The following NAALADL2 variants were observed in gnomAD, a reference collection of about 807,000 sequenced individuals.
NAALADL2 encodes N-acetylated alpha-linked acidic dipeptidase like 2.
NAALADL2 carries 76 observed loss-of-function variants against 87.2 expected under a neutral mutation model. The ratio of observed to expected loss-of-function variants is 0.87; its 90% CI spans 0.72 to 1.05. The LOEUF (loss-of-function observed/expected upper bound fraction) is 1.05. NAALADL2 is among the 50% of genes least tolerant of loss of function. NAALADL2 has a pLI of 0.00. For synonymous variants in NAALADL2, 354 were observed against 331.0 expected (o/e 1.07, Z -0.75); for missense variants, 1,089 against 945.8 (o/e 1.15, Z -1.99).
At chr3:175,622,472 T>C (rs947199455) in intron 10 of NAALADL2, among the ~76,000 whole-genome samples, 1 of 152,206 alleles carries the variant, frequency 6.6e-6, no homozygotes, top group Non-Finnish European at 1.5e-5. Context: ...TTGCAATTTC[T>C]ATAGTGTTCT....
chr3:175,767,729 A>C (rs2150167627), intron 13 of NAALADL2: 1 of 152,262 alleles, frequency 6.6e-6, no homozygotes, highest in South Asian at 2.1e-4. Flanking sequence ...CTTTAAGCTA[A>C]GTTTCATAGA....
chr3:175,281,821 T>G (rs976214536), intron 4 of NAALADL2, among the ~76,000 whole-genome samples: 2 of 152,014 alleles, frequency 1.3e-5, no homozygotes, highest in African/African-American at 4.8e-5. Context: ...CCAAATATTT[T>G]CTATTTCATT....
chr3:175,789,005 G>C (rs904564600), intron 13 of NAALADL2, among the ~76,000 whole-genome samples: 5 of 152,038 alleles, frequency 3.3e-5, no homozygotes, highest in Non-Finnish European at 7.4e-5. Flanking sequence ...AGGTCTTCAT[G>C]AACAAGAAAA....
chr3:174,768,875 G>A (rs1714181626), intron 3 of NAALADL2, among the ~76,000 whole-genome samples: 1 of 151,830 alleles, frequency 6.6e-6, no homozygotes, highest in African/African-American at 2.4e-5. Context: ...TTTTGCCACT[G>A]ATTTTTTAAG....
At chr3:174,535,646 G>T (rs1166739922) in intron 1 of NAALADL2, among the ~76,000 whole-genome samples, 2 of 152,010 alleles carry the variant, frequency 1.3e-5, no homozygotes, top group Non-Finnish European at 2.9e-5. Context: ...AAGGAAATTG[G>T]AACCCAGAGA....
At chr3:174,498,508 A>G (rs1718688051) in intron 1 of NAALADL2, among the ~76,000 whole-genome samples, 1 of 151,616 alleles carries the variant, frequency 6.6e-6, no homozygotes, top group Non-Finnish European at 1.5e-5. Context: ...ACGAACATTC[A>G]TGTATAAGAC....
chr3:174,712,973 G>A lies in NAALADL2; in HGVS notation c.-114-24668G>A, dbSNP rs185964410. 1.1e-3 allele frequency among the ~76,000 whole-genome samples: 174 copies of A among 151,768 alleles called. 1 individual carries two copies. The highest frequency in any genetic ancestry group is 4.0e-3 in the African/African-American group (167 of 41,346). ...CCCCCCTCCCCCAACCCCACAACAG[G>A]CCCCAGTGTGTGATGTTCCCCTTCC... On this transcript the variant is annotated intron_variant, in intron 2 of 3. Transcript: ENST00000434257.
chr3:174,564,883 T>C (rs762194215), intron 2 of NAALADL2, among the ~76,000 whole-genome samples: 1 of 152,080 alleles, frequency 6.6e-6, no homozygotes, highest in South Asian at 2.1e-4. Flanking sequence ...GTGTATGTTT[T>C]ACATTTGTAT....
At chr3:175,788,412 A>G (rs1406117622) in intron 13 of NAALADL2, among the ~76,000 whole-genome samples, 1 of 152,040 alleles carries the variant, frequency 6.6e-6, no homozygotes, top group Non-Finnish European at 1.5e-5. Context: ...TTTATAGAGT[A>G]CTTTTAGTGT....
intron 2 of NAALADL2, among the ~76,000 whole-genome samples, chr3:174,553,849 A>G (rs1712440661): frequency 3.3e-5 from 5 of 152,146 alleles, no homozygotes; most frequent in Admixed American, 3.3e-4. Flanking sequence ...TTGTACATTC[A>G]TTTTAGTAAT....
At chr3:175,728,172 A>C (rs1457574617) in intron 11 of NAALADL2, among the ~76,000 whole-genome samples, 2 of 152,186 alleles carry the variant, frequency 1.3e-5, no homozygotes, top group East Asian at 3.8e-4. Flanking sequence ...TGAGACAAAC[A>C]GGTCTGTTTT....
At chr3:174,602,484 T>G (rs635760) in intron 2 of NAALADL2, among the ~76,000 whole-genome samples, 24,114 of 152,052 alleles carry the variant, frequency 0.16, 2,204 homozygotes, top group African/African-American at 0.23. Flanking sequence ...TTTACTGAAT[T>G]TGTTTATCAA....
intron 1 of NAALADL2, among the ~76,000 whole-genome samples, chr3:174,951,064 TAAAG>T (rs1041775490): frequency 3.3e-5 from 5 of 152,010 alleles, no homozygotes; most frequent in Non-Finnish European, 5.9e-5. Context: ...ATTTCTGTAA[TAAAG>T]AAAAATAATT....
rs114362544 is a variant in NAALADL2, at chr3:174,620,380, A to G, written c.-115+69743A>G. Among the ~76,000 whole-genome samples the G allele has an allele frequency of 2.4e-3, 372 of 152,148 alleles. 1 individual carries two copies. Among genetic ancestry groups the G allele is most frequent in the African/African-American group, 8.4e-3 (351 of 41,552 alleles). On this transcript the variant is annotated intron_variant, in intron 2 of 3. Coordinates refer to the NAALADL2 transcript ENST00000434257. ...AATATTTAAAATTTTTATGGGAAAC[A>G]CAGCAACACCTACTGGATATTACAT...
chr3:175,209,913 AG>A (rs1417961327), intron 2 of NAALADL2, among the ~76,000 whole-genome samples: 1 of 151,928 alleles, frequency 6.6e-6, no homozygotes. Context: ...AAAGTCTACA[AG>A]TCTTCGTTTT....
chr3:174,865,461 AAG>A (rs1407169822), intron 1 of NAALADL2, among the ~76,000 whole-genome samples: 2 of 151,968 alleles, frequency 1.3e-5, no homozygotes, highest in Non-Finnish European at 2.9e-5. Flanking sequence ...AGGTCATGAG[AAG>A]AGAGGAATGA....
At chr3:175,283,199 T>C (rs781712591) in intron 4 of NAALADL2, among the ~76,000 whole-genome samples, 14 of 152,114 alleles carry the variant, frequency 9.2e-5, no homozygotes, top group Non-Finnish European at 1.9e-4. Context: ...AAGTTTACAA[T>C]ATACTAAAGA....
intron 5 of NAALADL2, among the ~76,000 whole-genome samples, chr3:175,361,002 A>G (rs1764941204): frequency 6.6e-6 from 1 of 151,654 alleles, no homozygotes; most frequent in Non-Finnish European, 1.5e-5. Flanking sequence ...GTATCTCCTA[A>G]TGCTATCCCT....
intron 5 of NAALADL2, among the ~76,000 whole-genome samples, chr3:175,407,233 T>C (rs1001862104): frequency 1.3e-5 from 2 of 152,196 alleles, no homozygotes; most frequent in Admixed American, 6.5e-5. Context: ...AATTTTCTTC[T>C]GATTTCCATG....
Sources: allele counts gnomAD v4.1 joint callset (sites outside exome capture counted in the v4.1 genomes callset), GRCh38; gene constraint gnomAD v4.1.1; transcripts MANE v1.5; gene names NCBI Gene and HGNC (gene_info 2026-07-23, HGNC 2026-07-21).